Variants in PTPRQ observed in about 807,000 individuals in gnomAD.
The protein encoded by PTPRQ is phosphatidylinositol phosphatase PTPRQ.
In PTPRQ, 199 loss-of-function variants were observed where a neutral mutation model predicts 246.0. That is an observed-to-expected ratio of 0.81 (90% CI 0.72 to 0.91). The LOEUF (loss-of-function observed/expected upper bound fraction) is 0.91, where lower values mean the gene tolerates loss of function less well. Among genes scored for constraint, PTPRQ ranks in the 40% least tolerant of loss-of-function variants. The pLI, the probability that PTPRQ is intolerant of heterozygous loss-of-function variation, is 0.00. For synonymous variants in PTPRQ, 869 were observed against 853.2 expected, an observed-to-expected ratio of 1.02 and a Z score of -0.32; for missense variants, 2,624 against 2,528.4, an observed-to-expected ratio of 1.04 and a Z score of -0.81.
At chr12:80,673,387 A>T in intron 43 of PTPRQ, 83 bp downstream of exon 43, 1 of 1,494,582 alleles carries the variant, frequency 6.7e-7, no homozygotes. Flanking sequence ...CTGGATGGAC[A>T]TGAGCTTGAA....
In PTPRQ at chr12:80,484,402, C is replaced by CT. The variant is rs56351124; in HGVS notation, c.1187-27dup. 1,295,666 of 1,454,820 alleles carry CT rather than the reference C, an allele frequency of 0.89. 580,383 individuals are homozygous for CT. Among genetic ancestry groups the CT allele is most frequent in the Non-Finnish European group, 0.92 (996,887 of 1,084,000 alleles). 90.1% of individuals were successfully genotyped at this position (1,454,820 alleles called of 1,614,324 possible). A position where few individuals can be genotyped will look rare whatever the true frequency, so the allele number is the denominator to read the frequency against. On this transcript the variant is annotated intron_variant, in intron 8 of 44. Transcript: ENST00000644991. ...TTGAAAAAATATTTTTAATTTCCCCCTTTTCTTTTCTTTCTTTCTTTCTTT... is the reference window on the plus strand; with the variant it reads ...TTGAAAAAATATTTTTAATTTCCCCCTTTTTCTTTTCTTTCTTTCTTTCTTT...
At chr12:80,450,297 T>C (rs1270024317) in intron 3 of PTPRQ, among the ~76,000 whole-genome samples, 1 of 152,216 alleles carries the variant, frequency 6.6e-6, no homozygotes, top group Non-Finnish European at 1.5e-5. Context: ...TGGGGTTTTC[T>C]AGATATACAA....
chr12:80,612,199 T>C (rs970712527), intron 28 of PTPRQ, among the ~76,000 whole-genome samples: 1 of 150,362 alleles, frequency 6.7e-6, no homozygotes, highest in African/African-American at 2.4e-5. Flanking sequence ...ATAACTTTTA[T>C]CCTCATACAT....
intron 14 of PTPRQ, among the ~76,000 whole-genome samples, chr12:80,502,217 T>G (rs1894820168): frequency 6.6e-6 from 1 of 151,900 alleles, no homozygotes; most frequent in Admixed American, 6.6e-5. Context: ...AGGGAAAATT[T>G]GAAGTCAGAT....
At chr12:80,471,971 GT>G in intron 7 of PTPRQ, 133 bp from the exon 8 acceptor site, 1 of 1,057,694 alleles carries the variant, frequency 9.5e-7, no homozygotes, top group Non-Finnish European at 1.3e-6. Context: ...AATATATGCA[GT>G]TTTGATATTA....
intron 38 of PTPRQ, among the ~76,000 whole-genome samples, chr12:80,654,866 T>A (rs1463354621): frequency 6.6e-6 from 1 of 151,282 alleles, no homozygotes; most frequent in Non-Finnish European, 1.5e-5. Flanking sequence ...TCTCAAAAAA[T>A]AATAATAATA....
intron 6 of PTPRQ, chr12:80,465,427 C>T (rs961010453): frequency 6.6e-6 from 1 of 152,070 alleles, no homozygotes; most frequent in Non-Finnish European, 1.5e-5. Flanking sequence ...ACCAGAGGTA[C>T]AAGGAGGAAC....
intron 14 of PTPRQ, among the ~76,000 whole-genome samples, chr12:80,501,154 G>A (rs1894787647): frequency 6.6e-6 from 1 of 151,950 alleles, no homozygotes; most frequent in Non-Finnish European, 1.5e-5. Flanking sequence ...TTGGGGTAGA[G>A]AATTCACAGA....
In PTPRQ at chr12:80,493,341, G is replaced by C; in HGVS notation, c.1426G>C (p.Gly476Arg). The change falls in exon 10 of 45, where the codon GGT becomes CGT. Residue 476 changes from glycine to arginine, a missense_variant. Coordinates refer to ENST00000644991, the MANE Select transcript of PTPRQ (RefSeq NM_001145026.2). ...AGAGCCAATGGTAGGATTATATGAG[G>C]GTTCAGCAGAGATGTCGTCTGACCT... is the stretch of plus-strand genomic sequence containing the variant. Reference protein sequence around the residue: ...IVEPMVGLYEGSAEMSSDLHS... With the variant: ...IVEPMVGLYERSAEMSSDLHS... 2 of 1,549,644 alleles carry C rather than the reference G, an allele frequency of 1.3e-6. No individual in the cohort carries two copies. Among genetic ancestry groups the C allele is most frequent in the Non-Finnish European group, 1.7e-6 (2 of 1,145,718 alleles).
Position 80,469,871 on chromosome 12 carries a change from G to A in PTPRQ, c.1039+1033G>A, listed in dbSNP as rs192548034. Reference sequence around the variant, plus strand: ...GGCTGGCTGATAAATCAAGTGAGAGGCATGTAGCAATAATTGCATTTAGCA... The same window carrying A: ...GGCTGGCTGATAAATCAAGTGAGAGACATGTAGCAATAATTGCATTTAGCA... On this transcript the variant is annotated intron_variant, in intron 7 of 44. Transcript: ENST00000644991. Among the ~76,000 whole-genome samples, 12 of 152,336 alleles carry A rather than the reference G, an allele frequency of 7.9e-5. No individual in the cohort carries two copies. In the East Asian group the frequency reaches 2.1e-3, roughly 27 times the overall value.
In PTPRQ at chr12:80,588,453, G is replaced by A. The variant is rs754975655; in HGVS notation, c.4609+1G>A. The A allele has an allele frequency of 1.5e-5, 22 of 1,475,630 alleles. No homozygotes were observed. The highest frequency in any genetic ancestry group is 7.4e-5 in the East Asian group (3 of 40,364). 91.4% of individuals were successfully genotyped at this position (1,475,630 alleles called of 1,614,324 possible). ...ATTTCTACAAAAACTCTGCCTGGCC[G>A]TGAGTATTGTCCTGACATGTACATA... On this transcript the variant is annotated splice_donor_variant, in intron 26 of 44. Coordinates refer to ENST00000644991, the MANE Select transcript of PTPRQ (RefSeq NM_001145026.2). LOFTEE classifies it high-confidence loss of function.
chr12:80,531,952 A>T (rs1468675511), intron 17 of PTPRQ, among the ~76,000 whole-genome samples: 2 of 152,080 alleles, frequency 1.3e-5, no homozygotes, highest in East Asian at 3.9e-4. Flanking sequence ...TTTTACTAAA[A>T]TATCTATTTG....
At chr12:80,592,049 T>G (rs1447665118) in intron 26 of PTPRQ, among the ~76,000 whole-genome samples, 1 of 152,234 alleles carries the variant, frequency 6.6e-6, no homozygotes, top group Non-Finnish European at 1.5e-5. Context: ...TCTTTCCACT[T>G]GAATATCATT....
chr12:80,509,084 C>T (rs1049736744), intron 16 of PTPRQ, among the ~76,000 whole-genome samples: 4 of 152,000 alleles, frequency 2.6e-5, no homozygotes, highest in Non-Finnish European at 5.9e-5. Context: ...ACAGACATCT[C>T]TAACTGATGT....
chr12:80,597,298 G>T (rs570079463), intron 26 of PTPRQ, among the ~76,000 whole-genome samples: 1 of 151,908 alleles, frequency 6.6e-6, no homozygotes, highest in Non-Finnish European at 1.5e-5. Flanking sequence ...CCAGTATGAC[G>T]ATGGCCTTAC....
intron 25 of PTPRQ, among the ~76,000 whole-genome samples, chr12:80,568,331 G>A (rs746274141): frequency 1.3e-5 from 2 of 151,936 alleles, no homozygotes; most frequent in Non-Finnish European, 2.9e-5. Flanking sequence ...TCTTTTCTAT[G>A]TTTCAGTTAA....
chr12:80,538,410 A>G (rs1278698070), intron 19 of PTPRQ, among the ~76,000 whole-genome samples: 1 of 152,230 alleles, frequency 6.6e-6, no homozygotes, highest in Non-Finnish European at 1.5e-5. Context: ...ATAGGTAATC[A>G]GAATAAATTC....
chr12:80,610,712 A>G (rs1160492007), intron 28 of PTPRQ, 87 bp downstream of exon 28: 106 of 1,461,448 alleles, frequency 7.3e-5, no homozygotes, highest in Middle Eastern at 7.2e-4. Flanking sequence ...AAAAAAGGAT[A>G]TGTGTTATGA....
chr12:80,520,511 T>TC (rs1895443908), intron 17 of PTPRQ, among the ~76,000 whole-genome samples: 2 of 45,134 alleles, frequency 4.4e-5, no homozygotes, highest in African/African-American at 1.8e-4. Context: ...CCCTCCCCCC[T>TC]CCCCCCACCC....
Sources: gnomAD v4.1 joint callset for allele counts (sites outside exome capture counted in the v4.1 genomes callset) on GRCh38, gnomAD v4.1.1 for gene constraint, MANE v1.5 for transcripts, NCBI Gene and HGNC (gene_info 2026-07-23, HGNC 2026-07-21) for gene names.